NPR1: variants seen among roughly 807,000 people sequenced by gnomAD.
NPR1 encodes atrial natriuretic peptide receptor 1.
A neutral mutation model predicts 116.9 loss-of-function variants in NPR1; 57 were observed. The observed-to-expected ratio is 0.49, with a 90% CI of 0.39 to 0.61. NPR1 has a LOEUF of 0.61. Among genes scored for constraint, NPR1 ranks in the 20% least tolerant of loss-of-function variants. The pLI is 0.00. For missense variants in NPR1, 1,096 were observed against 1,409.8 expected, an observed-to-expected ratio of 0.78 and a Z score of 3.56; for synonymous variants, 555 against 601.6, an observed-to-expected ratio of 0.92 and a Z score of 1.13.
At position 153,685,060 on chromosome 1, in the gene NPR1, A is replaced by G; in HGVS notation, c.1581A>G (p.Ala527=). ...GCCTTGAGAGGCACCTGCGGAGTGC[A>G]GGCAGCCGGCTGACCCTGAGCGGGG... ...PSSLERHLRS[A]GSRLTLSGRG... Residue 527 remains alanine, a synonymous_variant, in exon 8 of 22, where the codon GCA becomes GCG. Coordinates refer to ENST00000368680, the MANE Select transcript of NPR1 (RefSeq NM_000906.4). 6.2e-7 allele frequency: 1 copy of G among 1,614,010 alleles called. No homozygotes were observed. Among genetic ancestry groups the G allele is most frequent in the Non-Finnish European group, 8.5e-7 (1 of 1,180,008 alleles).
At chr1:153,684,388 T>A in intron 7 of NPR1, among the ~76,000 whole-genome samples, 1 of 94,588 alleles carries the variant, frequency 1.1e-5, no homozygotes, top group African/African-American at 7.6e-5. Flanking sequence ...CTTTCTTTCT[T>A]TTTTTTTTTT....
intron 5 of NPR1, among the ~76,000 whole-genome samples, 167 bp downstream of exon 5, chr1:153,682,756 G>C (rs1669817985): frequency 6.6e-6 from 1 of 152,224 alleles, no homozygotes; most frequent in African/African-American, 2.4e-5. Context: ...GTCTGGGGAA[G>C]CCACCAGAAT....
rs1226487722 is a variant in NPR1 at position 153,681,718 on chromosome 1, A to T, written c.1050A>T (p.Pro350=). Residue 350 remains proline (P), a synonymous_variant, in exon 4 of 22, where the codon CCA becomes CCT. Coordinates refer to ENST00000368680, the MANE Select transcript of NPR1 (RefSeq NM_000906.4). ...TMEDGLVNTI[P]ASFHDGLLLY... ...TGCCCCTACAGGTGAACACCATCCCAGCATCCTTCCACGACGGGCTCCTGC... is the reference window on the plus strand; with the variant it reads ...TGCCCCTACAGGTGAACACCATCCCTGCATCCTTCCACGACGGGCTCCTGC... The T allele has an allele frequency of 2.5e-6, 4 of 1,613,924 alleles. No individual in the cohort carries two copies. Among genetic ancestry groups the T allele is most frequent in the Non-Finnish European group, 3.4e-6 (4 of 1,179,942 alleles).
At chr1:153,683,630 T>C (rs558261035) in intron 6 of NPR1, 110 bp from the exon 7 acceptor site, 2 of 1,547,382 alleles carry the variant, frequency 1.3e-6, no homozygotes, top group Admixed American at 1.7e-5. Flanking sequence ...ACTCCTGCCT[T>C]TTTCTTCCCT....
rs1273554011 is a variant in NPR1 at position 153,690,265 on chromosome 1, C to T, written c.2933-19C>T. 2.6e-6 allele frequency: 4 copies of T among 1,547,434 alleles called. No homozygotes were observed. In the South Asian group the frequency reaches 3.6e-5, roughly 14 times the overall value. ...CCTCACTCGCTGATGGGCTCTGCTC[C>T]TTCCCTTGCTCCTCCCAGGACCTGT... is the stretch of plus-strand genomic sequence containing the variant. On this transcript the variant is annotated intron_variant, in intron 19 of 21. Coordinates refer to ENST00000368680, the MANE Select transcript of NPR1 (RefSeq NM_000906.4).
In NPR1 at chr1:153,689,401, C is replaced by A. The variant is rs1035959728; in HGVS notation, c.2689-52C>A. The stretch of plus-strand genomic sequence containing the variant: ...TCTGGTTCTGCTTTACCCACCTGAC[C>A]CCAGGTGGGGTCCCCTACTTCCTGT... On this transcript the variant is annotated intron_variant, in intron 17 of 21. Transcript: ENST00000368680. This position sits in a 1 kb window ranked among gnomAD's most constrained non-coding sequence, Gnocchi z 5.1. The A allele has an allele frequency of 1.9e-6, 3 of 1,609,978 alleles. No homozygotes were observed. The African/African-American group carries it at 4.0e-5, about 22-fold the overall frequency.
chr1:153,693,038 T>C, intron 20 of NPR1, 68 bp from the exon 21 acceptor site: 1 of 1,287,354 alleles, frequency 7.8e-7, no homozygotes, highest in Non-Finnish European at 1.1e-6. Context: ...CCCTGGTCTC[T>C]TTTGCCTCTA....
At chr1:153,685,238 T>C (rs542316326) in intron 8 of NPR1, among the ~76,000 whole-genome samples, 154 bp downstream of exon 8, 1 of 152,036 alleles carries the variant, frequency 6.6e-6, no homozygotes, top group Non-Finnish European at 1.5e-5. Flanking sequence ...TCTCCGAGAC[T>C]GTCTCAGATG....
At chr1:153,688,559 C>T (rs116160657) in intron 15 of NPR1, among the ~76,000 whole-genome samples, 250 of 152,244 alleles carry the variant, frequency 1.6e-3, no homozygotes, top group African/African-American at 5.6e-3. Context: ...TGGCCCTCCA[C>T]GGGAGCTCCT....
Position 153,681,875 on chromosome 1 carries a change from G to A in NPR1, c.1171+36G>A, listed in dbSNP as rs767585226. 4.0e-5 allele frequency: 65 copies of A among 1,607,668 alleles called. No individual in the cohort carries two copies. The Admixed American group carries it at 7.2e-4, about 18-fold the overall frequency. The stretch of plus-strand genomic sequence containing the variant: ...GGAGGTGGCTGGAATGGGCTGCCTT[G>A]GGGGATGAATCCCAGGTGCCCAGTG... On this transcript the variant is annotated intron_variant, in intron 4 of 21. Transcript: ENST00000368680.
chr1:153,690,942 CAAAAAAAAAAA>C (rs57820357), intron 20 of NPR1, among the ~76,000 whole-genome samples: 2 of 51,290 alleles, frequency 3.9e-5, no homozygotes, highest in Non-Finnish European at 3.6e-5. Flanking sequence ...AACTCTGTCT[CAAAAAAAAAAA>C]AAAAAAAAAA....
chr1:153,693,341 T>C lies in NPR1; in HGVS notation c.3124-11T>C, dbSNP rs1218297597. ...TGCCACTCCCCAGCCCATCCTCTTTTTTCCCTCCAGGGCAAAGGCAAGGTT... is the reference window on the plus strand; with the variant it reads ...TGCCACTCCCCAGCCCATCCTCTTTCTTCCCTCCAGGGCAAAGGCAAGGTT... On this transcript the variant is annotated splice_polypyrimidine_tract_variant and intron_variant, in intron 21 of 21. Transcript: ENST00000368680. 6.2e-7 allele frequency: 1 copy of C among 1,612,614 alleles called. No individual in the cohort carries two copies. The highest frequency in any genetic ancestry group is 1.7e-5 in the Admixed American group (1 of 59,900).
In NPR1 at chr1:153,682,348, C is replaced by A. The variant is rs556994114; in HGVS notation, c.1172-150C>A. On this transcript the variant is annotated intron_variant, in intron 4 of 21. Coordinates refer to ENST00000368680, the MANE Select transcript of NPR1 (RefSeq NM_000906.4). ...GTGCTGGGATTACAAGCATGAGCCA[C>A]AGTGCCCGGCCGTTTTACCATTTAC... 7.0e-4 allele frequency: 455 copies of A among 647,044 alleles called. 1 individual carries two copies. Among genetic ancestry groups the A allele is most frequent in the Non-Finnish European group, 1.1e-3 (406 of 358,244 alleles). The allele number at this position is 647,044 out of a possible 1,614,324, so 40.1% of individuals were successfully genotyped here.
At position 153,687,975 on chromosome 1, in the gene NPR1, A is replaced by G. The variant is rs1228842533; in HGVS notation, c.2249-78A>G. ...GCCTTGGTCTTGGACTTCCCCTGCC[A>G]TCTCAGCTGGTTGCCCCAGTCTCTC... On this transcript the variant is annotated intron_variant, in intron 14 of 21. Coordinates refer to ENST00000368680, the MANE Select transcript of NPR1 (RefSeq NM_000906.4). The G allele has an allele frequency of 6.2e-5, 72 of 1,162,422 alleles. No individual in the cohort carries two copies. In the East Asian group the frequency reaches 1.7e-3, roughly 27 times the overall value. 72.0% of individuals were successfully genotyped at this position (1,162,422 alleles called of 1,614,324 possible).
At position 153,679,210 on chromosome 1, in the gene NPR1, C is replaced by A. The variant is rs1443313649; in HGVS notation, c.102C>A (p.Asn34Lys). The change falls in exon 1 of 22, where the codon AAC becomes AAA. Residue 34 changes from asparagine to lysine, a missense_variant. By Grantham distance (94) the Asn-to-Lys change is moderately conservative. Transcript: ENST00000368680. The surrounding 1 kb of genome is among the most constrained non-coding windows in gnomAD (Gnocchi z 4.2). ...TGCTCCGGGGCAGCCACGCGGGCAA[C>A]CTGACGGTAGCCGTGGTACTGCCGC... ...LLLLRGSHAG[N>K]LTVAVVLPLA... 4.6e-6 allele frequency: 7 copies of A among 1,520,674 alleles called. No individual in the cohort carries two copies. The Admixed American group carries it at 1.4e-4, about 31-fold the overall frequency. 94.2% of individuals were successfully genotyped at this position (1,520,674 alleles called of 1,614,324 possible). A position where few individuals can be genotyped will look rare whatever the true frequency, so the allele number is the denominator to read the frequency against.
Position 153,687,823 on chromosome 1 carries a change from C to G in NPR1, c.2248+34C>G, listed in dbSNP as rs199749968. On this transcript the variant is annotated intron_variant, in intron 14 of 21. Transcript: ENST00000368680. ...AGCACACCTTCCTTAAACCCAGCCA[C>G]AGTCTCAACGAACCCCAGCCCCAGG... 1.5e-4 allele frequency: 239 copies of G among 1,547,960 alleles called. No homozygotes were observed. The African/African-American group carries it at 2.8e-3, about 18-fold the overall frequency.
intron 15 of NPR1, 27 bp from the exon 16 acceptor site, chr1:153,688,926 A>C (rs1571351825): frequency 6.2e-7 from 1 of 1,612,558 alleles, no homozygotes; most frequent in Non-Finnish European, 8.5e-7. Flanking sequence ...CTCTCTTACC[A>C]CCCCCACCGC....
intron 7 of NPR1, among the ~76,000 whole-genome samples, chr1:153,684,386 C>CTTTTTT (rs58272090): frequency 2.2e-3 from 192 of 89,004 alleles, no homozygotes; most frequent in Middle Eastern, 9.8e-3. Flanking sequence ...TTCTTTCTTT[C>CTTTTTT]TTTTTTTTTT....
rs766728119 is a variant in NPR1, at chr1:153,682,582, C to T, written c.1256C>T (p.Ala419Val). The T allele has an allele frequency of 6.2e-7, 1 of 1,613,054 alleles. No individual in the cohort carries two copies. The highest frequency in any genetic ancestry group is 8.5e-7 in the Non-Finnish European group (1 of 1,179,120). The change falls in exon 5 of 22, where the codon GCC (alanine) becomes GTC (valine). Residue 419 changes from alanine to valine, a missense_variant. Physicochemically the swap from Ala to Val is moderately conservative, Grantham distance 64. Transcript: ENST00000368680. Reference protein sequence around the residue: ...SLWDMDPENGAFRVVLNYNGT... With the variant: ...SLWDMDPENGVFRVVLNYNGT... ...TGGGATATGGATCCCGAGAATGGTG[C>T]CTTCAGGGTAAGTTTGTGCACCCAG...
Sources: allele counts gnomAD v4.1 joint callset (sites outside exome capture counted in the v4.1 genomes callset), GRCh38; gene constraint gnomAD v4.1.1; non-coding constraint Gnocchi (gnomAD v3.1); transcripts MANE v1.5; gene names NCBI Gene and HGNC (gene_info 2026-07-23, HGNC 2026-07-21).